SSBP3: variants seen among roughly 807,000 people sequenced by gnomAD.
SSBP3 encodes the protein single-stranded DNA-binding protein 3.
In SSBP3, 5 loss-of-function variants were observed where a neutral mutation model predicts 69.6. The ratio of observed to expected loss-of-function variants is 0.07; its 90% CI spans 0.04 to 0.15. The LOEUF (loss-of-function observed/expected upper bound fraction) is 0.15. Ranked by LOEUF, SSBP3 falls within the 10% of genes least tolerant of loss-of-function variation. The pLI is 1.00. For synonymous variants in SSBP3, 196 were observed against 193.4 expected, an observed-to-expected ratio of 1.01 and a Z score of -0.11; for missense variants, 312 against 534.0, an observed-to-expected ratio of 0.58 and a Z score of 4.10.
chr1:54,259,299 AAGTC>A (rs777076601), intron 5 of SSBP3, among the ~76,000 whole-genome samples: 18 of 152,324 alleles, frequency 1.2e-4, no homozygotes, highest in Non-Finnish European at 1.8e-4. Flanking sequence ...ATAAAAAAAA[AAGTC>A]AGAGAGCTTT....
chr1:54,404,305 T>C (rs903501923), intron 3 of SSBP3, among the ~76,000 whole-genome samples: 1 of 152,170 alleles, frequency 6.6e-6, no homozygotes, highest in Non-Finnish European at 1.5e-5. Flanking sequence ...ACCCCCTGCC[T>C]AGAGCCCCAG....
At chr1:54,281,803 C>A (rs1310449365) in intron 4 of SSBP3, among the ~76,000 whole-genome samples, 3 of 152,076 alleles carry the variant, frequency 2.0e-5, no homozygotes, top group Non-Finnish European at 4.4e-5. Flanking sequence ...TTCCTCATCT[C>A]TAAAATGGGA....
intron 3 of SSBP3, among the ~76,000 whole-genome samples, chr1:54,403,830 G>T (rs1649481803): frequency 6.6e-6 from 1 of 152,162 alleles, no homozygotes; most frequent in Non-Finnish European, 1.5e-5. Context: ...GGCTCCGGCT[G>T]ACCCTGAGCT....
At chr1:54,293,313 G>A (rs1402555525) in intron 4 of SSBP3, among the ~76,000 whole-genome samples, 1 of 152,050 alleles carries the variant, frequency 6.6e-6, no homozygotes, top group Non-Finnish European at 1.5e-5. Context: ...AGGATCGGAG[G>A]CACGCGGGCT....
At chr1:54,395,027 G>A (rs1326147608) in intron 4 of SSBP3, among the ~76,000 whole-genome samples, 1 of 141,912 alleles carries the variant, frequency 7.0e-6, no homozygotes, top group African/African-American at 2.6e-5. Flanking sequence ...TTTTTTTATT[G>A]TATGTGGGAA....
chr1:54,251,824 G>A (rs1295214613), exon 8 of SSBP3: 8 of 1,611,880 alleles, frequency 5.0e-6, no homozygotes, highest in Non-Finnish European at 6.8e-6. Flanking sequence ...ATAGAATTGG[G>A]CAGCAATGGC....
chr1:54,348,677 C>A (rs1646730918), intron 4 of SSBP3, among the ~76,000 whole-genome samples: 1 of 152,218 alleles, frequency 6.6e-6, no homozygotes, highest in Non-Finnish European at 1.5e-5. Context: ...CTACACGCTG[C>A]CTCACCTGTG....
chr1:54,316,662 A>AAAAT lies in SSBP3; in HGVS notation c.277-35136_277-35135insATTT, dbSNP rs1557525261. 4.5e-4 allele frequency among the ~76,000 whole-genome samples: 12 copies of AAAAT among 26,472 alleles called. 1 individual carries two copies. The highest frequency in any genetic ancestry group is 2.1e-3 in the African/African-American group (12 of 5,742). 17.4% of individuals were successfully genotyped at this position (26,472 alleles called of 152,430 possible). ...GACTCCGTCTCAAAAAAAAAAAATA[A>AAAAT]AATAAATAAATAAATAAATAAATAA... On this transcript the variant is annotated intron_variant, in intron 4 of 17. Coordinates refer to ENST00000610401, the Ensembl canonical transcript of SSBP3.
chr1:54,313,380 T>TC (rs1317676993), intron 4 of SSBP3, among the ~76,000 whole-genome samples: 1 of 150,968 alleles, frequency 6.6e-6, no homozygotes, highest in African/African-American at 2.4e-5. Context: ...TCTCAAGGCT[T>TC]CCCTGCTCCT....
intron 4 of SSBP3, among the ~76,000 whole-genome samples, chr1:54,290,048 T>C (rs1054614656): frequency 6.6e-6 from 1 of 152,168 alleles, no homozygotes; most frequent in African/African-American, 2.4e-5. Flanking sequence ...CAAGGTCACA[T>C]GGCTGGAAAT....
intron 4 of SSBP3, among the ~76,000 whole-genome samples, chr1:54,400,183 C>A (rs574839079): frequency 6.6e-6 from 1 of 152,282 alleles, no homozygotes; most frequent in Admixed American, 6.5e-5. Context: ...CAAAGACTCT[C>A]AAATTTGTAG....
intron 4 of SSBP3, among the ~76,000 whole-genome samples, chr1:54,331,768 G>C (rs1189461795): frequency 3.3e-5 from 5 of 152,230 alleles, no homozygotes; most frequent in Non-Finnish European, 7.3e-5. Flanking sequence ...AAAGGAAGTG[G>C]CAGAGAAGCA....
chr1:54,304,557 C>T (rs1645862895), intron 4 of SSBP3, among the ~76,000 whole-genome samples: 1 of 152,130 alleles, frequency 6.6e-6, no homozygotes, highest in African/African-American at 2.4e-5. Flanking sequence ...ACACAGCAGG[C>T]TGGAGTGTGG....
Position 54,229,189 on chromosome 1 carries a change from C to T in SSBP3, c.928-363G>A, listed in dbSNP as rs1644340009. Among the ~76,000 whole-genome samples, 3 of 152,236 alleles carry T rather than the reference C, an allele frequency of 2.0e-5. No individual in the cohort carries two copies. In the South Asian group the frequency reaches 6.2e-4, roughly 32 times the overall value. Reference sequence around the variant, plus strand: ...CAGACAGAGGCACATGTGGACAGCTCTCCGACCATGTCAGGCCAGGGACCA... The same window carrying T: ...CAGACAGAGGCACATGTGGACAGCTTTCCGACCATGTCAGGCCAGGGACCA... On this transcript the variant is annotated intron_variant, in intron 14 of 17. Coordinates refer to ENST00000610401, the Ensembl canonical transcript of SSBP3.
chr1:54,381,312 G>A (rs1303158913), intron 4 of SSBP3, among the ~76,000 whole-genome samples: 1 of 148,214 alleles, frequency 6.7e-6, no homozygotes, highest in African/African-American at 2.5e-5. Context: ...AAACTCGGGA[G>A]GCAGAGGTTG....
chr1:54,249,730 TA>T (rs1262593620), intron 9 of SSBP3, among the ~76,000 whole-genome samples: 2 of 148,960 alleles, frequency 1.3e-5, no homozygotes, highest in African/African-American at 2.5e-5. Context: ...AAACTTTTAA[TA>T]AAAAATATTT....
intron 4 of SSBP3, among the ~76,000 whole-genome samples, chr1:54,390,652 G>A (rs1648417714): frequency 6.6e-6 from 1 of 152,228 alleles, no homozygotes; most frequent in South Asian, 2.1e-4. Context: ...ATGCTCTGCT[G>A]AAACCATCAA....
chr1:54,289,335 G>C (rs1449334507), intron 4 of SSBP3, among the ~76,000 whole-genome samples: 1 of 149,620 alleles, frequency 6.7e-6, no homozygotes, highest in African/African-American at 2.5e-5. Context: ...TCCCACTGAA[G>C]AGTCTGTTGG....
chr1:54,276,168 T>C (rs1466016324), intron 5 of SSBP3, among the ~76,000 whole-genome samples: 1 of 152,166 alleles, frequency 6.6e-6, no homozygotes, highest in African/African-American at 2.4e-5. Flanking sequence ...TTCACCAAGA[T>C]GGCAAGTATC....
Sources: gnomAD v4.1 joint callset for allele counts (sites outside exome capture counted in the v4.1 genomes callset) on GRCh38, gnomAD v4.1.1 for gene constraint, MANE v1.5 for transcripts, NCBI Gene and HGNC (gene_info 2026-07-23, HGNC 2026-07-21) for gene names.